The following PSD3 variants were observed in gnomAD, a reference collection of about 807,000 sequenced individuals.
PSD3 encodes PH and SEC7 domain-containing protein 3.
In PSD3, 49 loss-of-function variants were observed where a neutral mutation model predicts 105.5. That is an observed-to-expected ratio of 0.46 (90% CI 0.37 to 0.59). The LOEUF is 0.59. PSD3 is among the 20% of genes least tolerant of loss of function. PSD3 has a pLI of 0.00. For synonymous variants in PSD3, 557 were observed against 457.8 expected, an observed-to-expected ratio of 1.22 and a Z score of -2.77; for missense variants, 1,561 against 1,263.8, an observed-to-expected ratio of 1.24 and a Z score of -3.57.
chr8:18,605,247 C>A (rs1345731855), intron 11 of PSD3, among the ~76,000 whole-genome samples: 1 of 152,206 alleles, frequency 6.6e-6, no homozygotes, highest in African/African-American at 2.4e-5. Context: ...CTGTCCAATG[C>A]TGTGGGAGCC....
At chr8:18,635,458 C>A (rs1199025114) in intron 10 of PSD3, among the ~76,000 whole-genome samples, 1 of 151,828 alleles carries the variant, frequency 6.6e-6, no homozygotes, top group African/African-American at 2.4e-5. Context: ...TATAATGCAG[C>A]CAAAAAAAAT....
chr8:18,849,228 G>T (rs1563342416), intron 4 of PSD3: 1 of 152,038 alleles, frequency 6.6e-6, no homozygotes, highest in Non-Finnish European at 1.5e-5. Flanking sequence ...CAAATGAAAG[G>T]GTCTAAAACA....
At chr8:18,686,516 G>A (rs1458781814) in intron 9 of PSD3, among the ~76,000 whole-genome samples, 1 of 152,108 alleles carries the variant, frequency 6.6e-6, no homozygotes, top group Admixed American at 6.5e-5. Flanking sequence ...TTTCTACGTG[G>A]ACAGAGTGAA....
intron 9 of PSD3, among the ~76,000 whole-genome samples, chr8:18,700,154 C>T (rs10503630): frequency 6.6e-6 from 1 of 151,930 alleles, no homozygotes; most frequent in Non-Finnish European, 1.5e-5. Context: ...TCTTTTGGGA[C>T]TGTTGTATTA....
chr8:18,972,802 T>C (rs1824727404), intron 1 of PSD3, among the ~76,000 whole-genome samples: 1 of 152,184 alleles, frequency 6.6e-6, no homozygotes. Flanking sequence ...GAGACACAAA[T>C]GTTTGTTGTT....
intron 7 of PSD3, 60 bp downstream of exon 7, chr8:18,801,210 C>T (rs1394396010): frequency 2.8e-6 from 3 of 1,077,262 alleles, no homozygotes; most frequent in Non-Finnish European, 4.1e-6. Flanking sequence ...ATTTAACTTT[C>T]ATAATAAGGA....
chr8:18,690,837 C>T (rs769529917), intron 9 of PSD3, among the ~76,000 whole-genome samples: 75 of 152,352 alleles, frequency 4.9e-4, no homozygotes, highest in Middle Eastern at 3.4e-3. Flanking sequence ...CCTGCCCCTT[C>T]TCAGAAAGGT....
At chr8:18,541,371 G>A (rs756774989) in intron 15 of PSD3, among the ~76,000 whole-genome samples, 2 of 152,060 alleles carry the variant, frequency 1.3e-5, no homozygotes, top group Non-Finnish European at 2.9e-5. Context: ...CTCGTAATAT[G>A]GCAAATCCAG....
intron 2 of PSD3, among the ~76,000 whole-genome samples, chr8:18,912,412 CAG>C (rs1338041805): frequency 2.0e-5 from 3 of 152,130 alleles, no homozygotes; most frequent in Non-Finnish European, 4.4e-5. Flanking sequence ...TAACTATTAA[CAG>C]AACTGAGTTC....
chr8:18,576,415 G>A (rs547393038), intron 12 of PSD3, among the ~76,000 whole-genome samples: 2 of 152,190 alleles, frequency 1.3e-5, no homozygotes, highest in East Asian at 1.9e-4. Context: ...CAGTCTTCTC[G>A]AGTGGTATGA....
chr8:18,745,952 T>C (rs374709232), intron 9 of PSD3, among the ~76,000 whole-genome samples: 14 of 152,352 alleles, frequency 9.2e-5, no homozygotes, highest in African/African-American at 3.1e-4. Context: ...GATAAAGTAA[T>C]GATAGAGGCA....
chr8:18,715,252 C>T (rs1165771099), intron 9 of PSD3, among the ~76,000 whole-genome samples: 1 of 152,142 alleles, frequency 6.6e-6, no homozygotes, highest in African/African-American at 2.4e-5. Flanking sequence ...AACAAACCTG[C>T]ACATCCTGCA....
chr8:18,912,485 A>G (rs547670965), intron 2 of PSD3, among the ~76,000 whole-genome samples: 1 of 152,356 alleles, frequency 6.6e-6, no homozygotes, highest in South Asian at 2.1e-4. Context: ...GGAAAAAAAT[A>G]TATATATTCT....
chr8:18,739,737 T>C (rs575592811), intron 9 of PSD3, among the ~76,000 whole-genome samples: 108 of 152,256 alleles, frequency 7.1e-4, no homozygotes, highest in African/African-American at 2.5e-3. Flanking sequence ...GATTTGAAAA[T>C]TCAGTGTGAA....
chr8:18,539,732 G>C lies in PSD3; in HGVS notation c.2929-3774C>G, dbSNP rs1800049643. Among the ~76,000 whole-genome samples, 5 of 151,948 alleles carry C rather than the reference G, an allele frequency of 3.3e-5. No individual in the cohort carries two copies. In the South Asian group the frequency reaches 8.3e-4, roughly 25 times the overall value. ...CCGACTAATTTTTTTTGTGTTAGTA[G>C]AGACAGGATTTCACCATGTTGGCCA... On this transcript the variant is annotated intron_variant, in intron 15 of 15. Transcript: ENST00000327040.
At chr8:19,013,185 T>C (rs1226772947) in intron 1 of PSD3, among the ~76,000 whole-genome samples, 1 of 152,022 alleles carries the variant, frequency 6.6e-6, no homozygotes, top group Non-Finnish European at 1.5e-5. Context: ...AGTTTAGTCT[T>C]TTTTTCTTTC....
At chr8:18,969,361 A>G (rs118079644) in intron 1 of PSD3, among the ~76,000 whole-genome samples, 1 of 152,330 alleles carries the variant, frequency 6.6e-6, no homozygotes, top group Non-Finnish European at 1.5e-5. Context: ...GCAGCCAGCA[A>G]TAAAATGACT....
At chr8:18,554,701 G>A (rs562505837) in intron 15 of PSD3, among the ~76,000 whole-genome samples, 7 of 152,078 alleles carry the variant, frequency 4.6e-5, no homozygotes, top group African/African-American at 1.7e-4. Flanking sequence ...TTTTGGGTAG[G>A]GGGAGGTATT....
chr8:18,835,921 G>A (rs757849809), intron 4 of PSD3, among the ~76,000 whole-genome samples: 2 of 152,154 alleles, frequency 1.3e-5, no homozygotes, highest in Admixed American at 6.5e-5. Context: ...TCATGGTAAA[G>A]GCTCTGGCTT....
Sources: allele counts gnomAD v4.1 joint callset (sites outside exome capture counted in the v4.1 genomes callset), GRCh38; gene constraint gnomAD v4.1.1; transcripts MANE v1.5; gene names NCBI Gene and HGNC (gene_info 2026-07-23, HGNC 2026-07-21).